The following IHO1 variants were observed in gnomAD, a reference collection of about 807,000 sequenced individuals.
The protein encoded by IHO1 is interactor of HORMAD1 protein 1.
In IHO1, 13 loss-of-function variants were observed where a neutral mutation model predicts 31.0. The ratio of observed to expected loss-of-function variants is 0.42; its 90% CI spans 0.27 to 0.67. The LOEUF (loss-of-function observed/expected upper bound fraction) is 0.67, where lower values mean the gene tolerates loss of function less well. Among genes scored for constraint, IHO1 ranks in the 30% least tolerant of loss-of-function variants. The probability of loss-of-function intolerance (pLI) is 0.24; values close to 1 mark genes in which losing one functional copy is unlikely to be tolerated. For missense variants in IHO1, 599 were observed against 687.5 expected (o/e 0.87, Z 1.44); for synonymous variants, 221 against 248.4 (o/e 0.89, Z 1.04).
chr3:49,214,483 C>T (rs2046259523), intron 2 of IHO1, among the ~76,000 whole-genome samples: 1 of 146,666 alleles, frequency 6.8e-6, no homozygotes, highest in African/African-American at 2.5e-5. Flanking sequence ...TTTCTTTCCT[C>T]TTTAACACCT....
chr3:49,214,630 A>ATTTTTTTTTTTTTTTTTTTTTTTT (rs1172004026), intron 2 of IHO1, among the ~76,000 whole-genome samples: 1 of 14,222 alleles, frequency 7.0e-5, no homozygotes, highest in African/African-American at 2.6e-4. Context: ...ATATATATAT[A>ATTTTTTTTTTTTTTTTTTTTTTTT]TATTTTTTTT....
At chr3:49,218,376 C>CTTTTTTTTT (rs34312848) in intron 2 of IHO1, among the ~76,000 whole-genome samples, 1 of 105,820 alleles carries the variant, frequency 9.5e-6, no homozygotes, top group Non-Finnish European at 1.9e-5. Context: ...CAGTTAATAC[C>CTTTTTTTTT]TTTTTTTTTT....
intron 2 of IHO1, among the ~76,000 whole-genome samples, chr3:49,221,806 T>C (rs919992325): frequency 2.0e-5 from 3 of 152,214 alleles, no homozygotes; most frequent in Non-Finnish European, 4.4e-5. Flanking sequence ...AGGCGAGTAA[T>C]AGCAAGATGG....
intron 1 of IHO1, among the ~76,000 whole-genome samples, chr3:49,205,373 C>T (rs1017110491): frequency 1.3e-5 from 2 of 150,360 alleles, no homozygotes; most frequent in Non-Finnish European, 3.0e-5. Context: ...GGCTGGAGTG[C>T]CGTGGTACAA....
At chr3:49,244,011 G>A (rs1405623791) in intron 4 of IHO1, among the ~76,000 whole-genome samples, 2 of 150,470 alleles carry the variant, frequency 1.3e-5, no homozygotes, top group African/African-American at 2.4e-5. Context: ...CTGGAGTGCA[G>A]TGGCATGATC....
intron 1 of IHO1, among the ~76,000 whole-genome samples, chr3:49,203,185 A>G (rs1318956983): frequency 6.6e-6 from 1 of 152,090 alleles, no homozygotes; most frequent in African/African-American, 2.4e-5. Flanking sequence ...ACAAGTTTGA[A>G]TAAGTAATTT....
At chr3:49,202,116 G>C (rs554464943) in intron 1 of IHO1, among the ~76,000 whole-genome samples, 2 of 152,098 alleles carry the variant, frequency 1.3e-5, no homozygotes, top group South Asian at 4.2e-4. Context: ...GTCCTCAAAA[G>C]AGCTTAATAT....
chr3:49,230,170 AC>A (rs2046464705), intron 2 of IHO1, among the ~76,000 whole-genome samples: 1 of 152,228 alleles, frequency 6.6e-6, no homozygotes, highest in Non-Finnish European at 1.5e-5. Flanking sequence ...TAGAGTACTT[AC>A]TTACTGAACA....
At chr3:49,245,150 C>A in intron 6 of IHO1, 1 of 375,616 alleles carries the variant, frequency 2.7e-6, no homozygotes, top group Non-Finnish European at 4.8e-6. Flanking sequence ...GCCTTGGTTT[C>A]AGTGAGAGCT....
At position 49,238,605 on chromosome 3, in the gene IHO1, C is replaced by T. The variant is rs532187591; in HGVS notation, c.231+1883C>T. On this transcript the variant is annotated intron_variant, in intron 3 of 7. Transcript: ENST00000452691. ...AGCAGAACAAAGGCAGTTAATCAAA[C>T]AGTGACAGGTTTCATCATCCTAGCA... 1.1e-4 allele frequency among the ~76,000 whole-genome samples: 16 copies of T among 152,328 alleles called. No individual in the cohort carries two copies. The South Asian group carries it at 3.1e-3, about 30-fold the overall frequency.
At chr3:49,220,441 A>T (rs1029948349) in intron 2 of IHO1, among the ~76,000 whole-genome samples, 1 of 152,116 alleles carries the variant, frequency 6.6e-6, no homozygotes. Context: ...GCTCTTAAAG[A>T]TGGTGTGTCC....
chr3:49,213,574 A>G (rs1210444054), intron 2 of IHO1, among the ~76,000 whole-genome samples: 1 of 152,208 alleles, frequency 6.6e-6, no homozygotes, highest in Admixed American at 6.5e-5. Context: ...GGGACCGGGC[A>G]CCACGGAGCA....
intron 3 of IHO1, among the ~76,000 whole-genome samples, chr3:49,237,230 C>T (rs867868860): frequency 6.6e-6 from 1 of 152,006 alleles, no homozygotes; most frequent in African/African-American, 2.4e-5. Context: ...CGCCTGTAAT[C>T]CCAGCTACTC....
chr3:49,195,421 CAAA>C (rs929603378), upstream of IHO1, among the ~76,000 whole-genome samples: 1 of 99,630 alleles, frequency 1.0e-5, no homozygotes, highest in African/African-American at 3.9e-5. Context: ...GACTCCATCT[CAAA>C]AAAAAAAAAG....
At chr3:49,200,655 TC>T (rs2046058883) in intron 1 of IHO1, 6 of 768,422 alleles carry the variant, frequency 7.8e-6, no homozygotes, top group Non-Finnish European at 9.5e-6. Flanking sequence ...TGTATATAGT[TC>T]CATTCCTTGC....
At chr3:49,249,791 G>T (rs1049697733) in intron 6 of IHO1, among the ~76,000 whole-genome samples, 2 of 152,194 alleles carry the variant, frequency 1.3e-5, no homozygotes, top group Admixed American at 6.5e-5. Flanking sequence ...CCCTAAAAAA[G>T]TTGGAGGTGG....
chr3:49,206,859 C>CAAA (rs2107681828), intron 1 of IHO1, among the ~76,000 whole-genome samples: 1 of 151,914 alleles, frequency 6.6e-6, no homozygotes, highest in African/African-American at 2.4e-5. Context: ...ACCAGCCTGG[C>CAAA]CAACATGGTG....
At chr3:49,224,221 G>C (rs1397074949) in intron 2 of IHO1, among the ~76,000 whole-genome samples, 2 of 152,200 alleles carry the variant, frequency 1.3e-5, no homozygotes, top group Admixed American at 1.3e-4. Context: ...GGGAATACTG[G>C]GGCTTAATCT....
At position 49,210,005 on chromosome 3, in the gene IHO1, C is replaced by G. The variant is rs568830813; in HGVS notation, c.-15-1761C>G. ...TGCTGGGATTACAGGCATGAGCCAC[C>G]GCACCCAGCCTCTTTCTTTCTTTCT... On this transcript the variant is annotated intron_variant, in intron 1 of 7. Transcript: ENST00000452691. Among the ~76,000 whole-genome samples, 440 of 151,478 alleles carry G rather than the reference C, an allele frequency of 2.9e-3. 2 individuals carry two copies. Among genetic ancestry groups the G allele is most frequent in the Non-Finnish European group, 5.4e-3 (365 of 67,820 alleles).
Sources: allele counts gnomAD v4.1 joint callset (sites outside exome capture counted in the v4.1 genomes callset), GRCh38; gene constraint gnomAD v4.1.1; transcripts MANE v1.5; gene names NCBI Gene and HGNC (gene_info 2026-07-23, HGNC 2026-07-21).